Variants in ASH1L observed in about 807,000 individuals in gnomAD.
ASH1L encodes the protein ASH1 like histone lysine methyltransferase.
ASH1L carries 23 observed loss-of-function variants against 269.0 expected under a neutral mutation model. That is an observed-to-expected ratio of 0.09 (90% CI 0.06 to 0.12). The LOEUF is 0.12. Among genes scored for constraint, ASH1L ranks in the 10% least tolerant of loss-of-function variants. ASH1L has a pLI of 1.00. For missense variants in ASH1L, 2,912 were observed against 3,567.8 expected (o/e 0.82, Z 4.68); for synonymous variants, 1,187 against 1,253.5 (o/e 0.95, Z 1.12).
chr1:155,561,684 G>A (rs562818169), intron 1 of ASH1L, among the ~76,000 whole-genome samples: 4 of 152,156 alleles, frequency 2.6e-5, no homozygotes, highest in South Asian at 2.1e-4. Flanking sequence ...AAACTAACCA[G>A]TGACATTTAT....
intron 6 of ASH1L, among the ~76,000 whole-genome samples, chr1:155,401,319 A>T (rs1245477003): frequency 6.6e-6 from 1 of 151,898 alleles, no homozygotes; most frequent in Non-Finnish European, 1.5e-5. Flanking sequence ...TCTACTAAAA[A>T]TACAAAAAAT....
At chr1:155,467,777 A>G (rs987672474) in intron 3 of ASH1L, among the ~76,000 whole-genome samples, 1 of 152,144 alleles carries the variant, frequency 6.6e-6, no homozygotes, top group Non-Finnish European at 1.5e-5. Context: ...AATAGTAAAT[A>G]ACCTTTATTT....
At chr1:155,457,905 T>C (rs1663987505) in intron 4 of ASH1L, among the ~76,000 whole-genome samples, 1 of 152,204 alleles carries the variant, frequency 6.6e-6, no homozygotes. Flanking sequence ...TGGTGAACTT[T>C]TTCTGTAAAA....
chr1:155,513,075 T>C (rs754848139), intron 2 of ASH1L, among the ~76,000 whole-genome samples: 6 of 151,660 alleles, frequency 4.0e-5, no homozygotes, highest in Non-Finnish European at 8.8e-5. Context: ...AACAAAACTA[T>C]AGATATATAA....
chr1:155,555,407 G>A (rs560364392), intron 1 of ASH1L, among the ~76,000 whole-genome samples: 36 of 144,226 alleles, frequency 2.5e-4, no homozygotes, highest in African/African-American at 9.2e-4. Context: ...TGAGGCAGGA[G>A]AATCACTTGA....
rs553272562 is a variant in ASH1L, at chr1:155,535,628, A to G, written c.-99-14010T>C. 2.3e-3 allele frequency among the ~76,000 whole-genome samples: 355 copies of G among 151,668 alleles called. 1 individual carries two copies. Among genetic ancestry groups the G allele is most frequent in the African/African-American group, 8.2e-3 (339 of 41,314 alleles). On this transcript the variant is annotated intron_variant, in intron 1 of 27. Transcript: ENST00000392403. ...ATCACTGCATTTCAGCCTTGGCAAC[A>G]GGGCAAGACCCCATCTCTTAAAAAA...
At chr1:155,461,083 G>A (rs1664265692) in intron 3 of ASH1L, among the ~76,000 whole-genome samples, 1 of 152,106 alleles carries the variant, frequency 6.6e-6, no homozygotes, top group South Asian at 2.1e-4. Context: ...AAACTTACAT[G>A]TAACTGGAGC....
At chr1:155,385,085 T>C (rs868306123) in intron 7 of ASH1L, among the ~76,000 whole-genome samples, 1 of 151,784 alleles carries the variant, frequency 6.6e-6, no homozygotes, top group Non-Finnish European at 1.5e-5. Context: ...TCTGGTTCAA[T>C]TTCTCTCATA....
chr1:155,470,277 G>A (rs753194128), intron 3 of ASH1L, among the ~76,000 whole-genome samples: 10 of 151,890 alleles, frequency 6.6e-5, no homozygotes, highest in Non-Finnish European at 1.5e-4. Flanking sequence ...TGGTCAACAT[G>A]GTGAAACTCC....
chr1:155,400,074 G>A (rs554199553), intron 6 of ASH1L, among the ~76,000 whole-genome samples: 3 of 152,320 alleles, frequency 2.0e-5, no homozygotes, highest in Admixed American at 6.5e-5. Flanking sequence ...TATGCTGGGC[G>A]TGGTGGCTCA....
At chr1:155,508,211 A>G (rs1409277953) in intron 2 of ASH1L, among the ~76,000 whole-genome samples, 1 of 152,224 alleles carries the variant, frequency 6.6e-6, no homozygotes, top group Non-Finnish European at 1.5e-5. Flanking sequence ...TGAATGTACC[A>G]TTCTGACAGC....
At chr1:155,558,481 A>C (rs1248565600) in intron 1 of ASH1L, among the ~76,000 whole-genome samples, 3 of 152,118 alleles carry the variant, frequency 2.0e-5, no homozygotes, top group African/African-American at 7.2e-5. Context: ...CAAAAAAAAA[A>C]ATTTAAAAAG....
chr1:155,552,426 ACTG>A (rs1671282730), intron 1 of ASH1L, among the ~76,000 whole-genome samples: 1 of 152,202 alleles, frequency 6.6e-6, no homozygotes. Context: ...AGATCGCGCC[ACTG>A]CACTCCAGCC....
rs1662279431 is a variant in ASH1L, at chr1:155,438,492, A to C, written c.5663T>G (p.Leu1888Arg). Residue 1888 changes from leucine to arginine, a missense_variant, in exon 5 of 28, where the codon CTC becomes CGC. This residue lies in a region of ASH1L where 789 missense variants were observed against 897.6 expected (regional missense o/e 0.88). Coordinates refer to ENST00000392403, the MANE Select transcript of ASH1L (RefSeq NM_018489.3). ...TACATCTGTAACTGTGTCAGGACTG[A>C]GGTGCAGTGCTGCTCCTTCCTCGTC... ...NRDEEGAALH[L>R]SPDTVTDVIE... is the part of the protein sequence containing the mutation. 2 of 1,613,764 alleles carry C rather than the reference A, an allele frequency of 1.2e-6. No individual in the cohort carries two copies. Among genetic ancestry groups the C allele is most frequent in the African/African-American group, 2.7e-5 (2 of 75,002 alleles).
intron 6 of ASH1L, chr1:155,396,990 T>C (rs575757194): frequency 6.9e-6 from 1 of 145,850 alleles, no homozygotes; most frequent in East Asian, 2.0e-4. Flanking sequence ...CTGGGTGTGG[T>C]AGTGCATGCC....
chr1:155,429,516 G>A (rs556198663), intron 5 of ASH1L, among the ~76,000 whole-genome samples: 9 of 152,188 alleles, frequency 5.9e-5, no homozygotes, highest in South Asian at 2.1e-4. Flanking sequence ...CACACGCCTC[G>A]GCTTCCAAAA....
intron 12 of ASH1L, among the ~76,000 whole-genome samples, chr1:155,368,377 C>A (rs529232525): frequency 2.0e-5 from 3 of 152,066 alleles, no homozygotes; most frequent in African/African-American, 4.8e-5. Flanking sequence ...ATTTTAGTTA[C>A]ATTTTCAATT....
intron 4 of ASH1L, among the ~76,000 whole-genome samples, chr1:155,454,000 G>A (rs767829168): frequency 2.6e-5 from 4 of 152,260 alleles, no homozygotes; most frequent in Non-Finnish European, 5.9e-5. Context: ...AGCTACTCGG[G>A]AAGCTGAGGC....
chr1:155,395,684 A>G (rs746938230), intron 6 of ASH1L, 131 bp from the exon 7 acceptor site: 2 of 548,916 alleles, frequency 3.6e-6, no homozygotes, highest in Non-Finnish European at 6.0e-6. Context: ...AAAAATCTTT[A>G]CTTCTGAAAC....
Sources: allele counts gnomAD v4.1 joint callset (sites outside exome capture counted in the v4.1 genomes callset), GRCh38; gene constraint gnomAD v4.1.1; regional missense constraint gnomAD v4.1.1; transcripts MANE v1.5; gene names NCBI Gene and HGNC (gene_info 2026-07-23, HGNC 2026-07-21).